DGKB: variants seen among roughly 807,000 people sequenced by gnomAD.
The protein encoded by DGKB is diacylglycerol kinase beta, also known as 90 kDa diacylglycerol kinase.
In DGKB, 67 loss-of-function variants were observed where a neutral mutation model predicts 114.3. The ratio of observed to expected loss-of-function variants is 0.59; its 90% CI spans 0.48 to 0.72. The LOEUF (loss-of-function observed/expected upper bound fraction) is 0.72, where lower values mean the gene tolerates loss of function less well. Ranked by LOEUF, DGKB falls within the 30% of genes least tolerant of loss-of-function variation. DGKB has a pLI of 0.00. For synonymous variants in DGKB, 398 were observed against 323.1 expected, an observed-to-expected ratio of 1.23 and a Z score of -2.49; for missense variants, 907 against 975.2, an observed-to-expected ratio of 0.93 and a Z score of 0.93.
chr7:14,555,711 C>A (rs1056492523), intron 20 of DGKB, among the ~76,000 whole-genome samples: 1 of 152,208 alleles, frequency 6.6e-6, no homozygotes, highest in African/African-American at 2.4e-5. Context: ...TCATAAAGAC[C>A]TTGCTGATAA....
At chr7:14,824,603 C>A (rs1487386606) in intron 2 of DGKB, among the ~76,000 whole-genome samples, 1 of 152,008 alleles carries the variant, frequency 6.6e-6, no homozygotes, top group Non-Finnish European at 1.5e-5. Context: ...TTTCATTAGC[C>A]TAGACTTAAA....
chr7:14,508,667 T>G (rs1488711773), intron 20 of DGKB, among the ~76,000 whole-genome samples: 1 of 152,186 alleles, frequency 6.6e-6, no homozygotes, highest in African/African-American at 2.4e-5. Context: ...TAAATCAGTT[T>G]TAGGGAGAGC....
At chr7:14,704,660 C>A (rs1015592323) in intron 6 of DGKB, among the ~76,000 whole-genome samples, 3 of 152,000 alleles carry the variant, frequency 2.0e-5, no homozygotes, top group African/African-American at 4.8e-5. Context: ...GGTCCCTAAC[C>A]CCTGACCCCT....
intron 20 of DGKB, among the ~76,000 whole-genome samples, chr7:14,483,169 A>G (rs1264724783): frequency 6.6e-6 from 1 of 152,112 alleles, no homozygotes; most frequent in African/African-American, 2.4e-5. Flanking sequence ...GAACCTGGTA[A>G]CTTTTTTTAC....
At chr7:14,604,215 T>C (rs1400009260) in intron 17 of DGKB, among the ~76,000 whole-genome samples, 1 of 152,082 alleles carries the variant, frequency 6.6e-6, no homozygotes, top group Non-Finnish European at 1.5e-5. Flanking sequence ...ATGATTTATA[T>C]AAAGAGATAG....
intron 1 of DGKB, among the ~76,000 whole-genome samples, chr7:14,966,785 G>A (rs1787179668): frequency 6.6e-6 from 1 of 151,968 alleles, no homozygotes; most frequent in South Asian, 2.1e-4. Flanking sequence ...CAAATATAGA[G>A]ACACTATAAA....
At chr7:14,431,658 T>C (rs934516151) in intron 21 of DGKB, among the ~76,000 whole-genome samples, 3 of 152,188 alleles carry the variant, frequency 2.0e-5, no homozygotes, top group African/African-American at 7.2e-5. Context: ...TTATATTTTA[T>C]TGTGGTAAGT....
At chr7:14,364,832 G>C (rs1367568619) in intron 21 of DGKB, among the ~76,000 whole-genome samples, 2 of 151,912 alleles carry the variant, frequency 1.3e-5, no homozygotes, top group Non-Finnish European at 2.9e-5. Context: ...GACTGCACAG[G>C]AGCATAAATC....
chr7:14,201,384 C>A (rs1242849006), intron 23 of DGKB, among the ~76,000 whole-genome samples: 1 of 151,848 alleles, frequency 6.6e-6, no homozygotes, highest in East Asian at 1.9e-4. Context: ...GATTCAAAGG[C>A]AATGAGGTAA....
At chr7:14,585,273 A>G (rs1328551923) in intron 17 of DGKB, among the ~76,000 whole-genome samples, 1 of 152,142 alleles carries the variant, frequency 6.6e-6, no homozygotes, top group African/African-American at 2.4e-5. Context: ...TAATAAACAC[A>G]TATGTACCAG....
Position 14,772,280 on chromosome 7 carries a change from T to C in DGKB, c.71-14549A>G, listed in dbSNP as rs191581622. Among the ~76,000 whole-genome samples the C allele has an allele frequency of 4.5e-3, 685 of 152,240 alleles. 9 individuals are homozygous for C. Among genetic ancestry groups the C allele is most frequent in the African/African-American group, 0.015 (643 of 41,558 alleles). ...TTTTACAGAGTTTGACTCTTTTCAT[T>C]GACAGCAAGTAGGTACTCAAATTGG... On this transcript the variant is annotated intron_variant, in intron 2 of 25. Coordinates refer to ENST00000402815, the MANE Select transcript of DGKB (RefSeq NM_001350709.2).
chr7:14,646,347 C>CAT (rs755950241), intron 13 of DGKB, among the ~76,000 whole-genome samples: 9 of 152,022 alleles, frequency 5.9e-5, no homozygotes, highest in African/African-American at 9.7e-5. Context: ...AGTAAATAAA[C>CAT]ATATATATAC....
intron 20 of DGKB, among the ~76,000 whole-genome samples, chr7:14,495,883 G>A (rs55894189): frequency 0.045 from 6,876 of 151,782 alleles, 499 homozygotes; most frequent in African/African-American, 0.16. Context: ...ATTGCAATCA[G>A]TAAATGATTA....
At chr7:14,889,009 A>G (rs1245770256) in intron 1 of DGKB, among the ~76,000 whole-genome samples, 1 of 151,632 alleles carries the variant, frequency 6.6e-6, no homozygotes, top group African/African-American at 2.4e-5. Context: ...TGTTAATTAC[A>G]TTATTAAAAA....
chr7:14,408,983 T>C (rs973922879), intron 21 of DGKB, among the ~76,000 whole-genome samples: 1 of 152,156 alleles, frequency 6.6e-6, no homozygotes, highest in South Asian at 2.1e-4. Flanking sequence ...ACATTTATTA[T>C]TAAAAGTGAA....
At chr7:14,328,814 C>G (rs963528434) in intron 23 of DGKB, among the ~76,000 whole-genome samples, 1 of 151,968 alleles carries the variant, frequency 6.6e-6, no homozygotes, top group South Asian at 2.1e-4. Flanking sequence ...AAATGTCTGT[C>G]ACCTTATAAT....
At chr7:14,561,654 T>C (rs1356897031) in intron 20 of DGKB, among the ~76,000 whole-genome samples, 1 of 152,164 alleles carries the variant, frequency 6.6e-6, no homozygotes, top group Admixed American at 6.5e-5. Context: ...ACTCTTGCTA[T>C]ACAAAGAGAT....
chr7:14,331,244 A>C (rs1343726742), intron 23 of DGKB, among the ~76,000 whole-genome samples: 1 of 152,136 alleles, frequency 6.6e-6, no homozygotes, highest in Admixed American at 6.5e-5. Context: ...GTATGCATAT[A>C]TTTTTGTGAA....
chr7:14,645,993 A>G (rs2128884747), intron 13 of DGKB, among the ~76,000 whole-genome samples: 1 of 152,340 alleles, frequency 6.6e-6, no homozygotes, highest in African/African-American at 2.4e-5. Context: ...CAATCAGAAA[A>G]CAAATACCAA....
Sources: gnomAD v4.1 joint callset for allele counts (sites outside exome capture counted in the v4.1 genomes callset) on GRCh38, gnomAD v4.1.1 for gene constraint, MANE v1.5 for transcripts, NCBI Gene and HGNC (gene_info 2026-07-23, HGNC 2026-07-21) for gene names.